ARHGAP10: variants seen among roughly 807,000 people sequenced by gnomAD.
ARHGAP10 encodes Rho GTPase activating protein 10, also known as rho GTPase-activating protein 10.
In ARHGAP10, 87 loss-of-function variants were observed where a neutral mutation model predicts 108.6. The observed-to-expected ratio is 0.80, with a 90% CI of 0.67 to 0.96. The LOEUF (loss-of-function observed/expected upper bound fraction) is 0.96. ARHGAP10 is among the 40% of genes least tolerant of loss of function. The pLI, the probability that ARHGAP10 is intolerant of heterozygous loss-of-function variation, is 0.00. For missense variants in ARHGAP10, 939 were observed against 954.5 expected (o/e 0.98, Z 0.21); for synonymous variants, 347 against 341.1 (o/e 1.02, Z -0.19).
chr4:147,895,369 A>G (rs998087513), intron 10 of ARHGAP10, among the ~76,000 whole-genome samples: 5 of 151,996 alleles, frequency 3.3e-5, no homozygotes, highest in African/African-American at 9.7e-5. Context: ...GTGATTTTAT[A>G]TGTGACAAAA....
intron 3 of ARHGAP10, among the ~76,000 whole-genome samples, chr4:147,843,462 T>C (rs17023988): frequency 0.018 from 2,674 of 152,296 alleles, 80 homozygotes; most frequent in African/African-American, 0.06. Context: ...TGGATATTGC[T>C]GAGCTCTCAT....
chr4:147,844,325 C>A (rs1436490), intron 3 of ARHGAP10, among the ~76,000 whole-genome samples: 1 of 152,020 alleles, frequency 6.6e-6, no homozygotes, highest in East Asian at 1.9e-4. Flanking sequence ...AGCATTTATC[C>A]TTTGTGTTAC....
At chr4:147,904,779 T>G (rs1250496936) in intron 10 of ARHGAP10, among the ~76,000 whole-genome samples, 1 of 152,232 alleles carries the variant, frequency 6.6e-6, no homozygotes, top group Non-Finnish European at 1.5e-5. Flanking sequence ...ATAGTATTTC[T>G]AGTTCTAGAT....
intron 13 of ARHGAP10, among the ~76,000 whole-genome samples, chr4:147,927,805 G>C (rs578065086): frequency 6.6e-6 from 1 of 152,214 alleles, no homozygotes; most frequent in African/African-American, 2.4e-5. Flanking sequence ...CAAGGTTCAT[G>C]CTGTGAGGAA....
At chr4:147,872,302 A>G (rs995254682) in intron 7 of ARHGAP10, among the ~76,000 whole-genome samples, 2 of 152,152 alleles carry the variant, frequency 1.3e-5, no homozygotes, top group Non-Finnish European at 2.9e-5. Context: ...GTAAGCAGAC[A>G]TGTTGAGAAT....
chr4:147,981,795 A>T (rs1328067690), intron 18 of ARHGAP10, among the ~76,000 whole-genome samples: 8 of 152,160 alleles, frequency 5.3e-5, no homozygotes, highest in Admixed American at 5.2e-4. Context: ...TTAACCTTTT[A>T]TCATTATGTA....
chr4:148,028,898 A>G (rs556942103), intron 19 of ARHGAP10, among the ~76,000 whole-genome samples: 1 of 152,336 alleles, frequency 6.6e-6, no homozygotes, highest in East Asian at 1.9e-4. Context: ...GCCACAGATT[A>G]GGCTCATAGG....
intron 10 of ARHGAP10, among the ~76,000 whole-genome samples, chr4:147,905,040 G>C (rs1386795978): frequency 4.6e-5 from 7 of 152,144 alleles, no homozygotes; most frequent in African/African-American, 1.4e-4. Flanking sequence ...CTTTTGAGAA[G>C]TGTCTGTTCA....
intron 1 of ARHGAP10, among the ~76,000 whole-genome samples, chr4:147,775,761 C>T (rs1411857491): frequency 6.6e-6 from 1 of 152,100 alleles, no homozygotes; most frequent in Non-Finnish European, 1.5e-5. Flanking sequence ...TCCTTTTGCA[C>T]AGAATTATGG....
intron 13 of ARHGAP10, among the ~76,000 whole-genome samples, chr4:147,929,680 A>G (rs1040978193): frequency 5.3e-5 from 8 of 152,300 alleles, no homozygotes; most frequent in African/African-American, 1.9e-4. Context: ...ATAATACATC[A>G]TTCTTAGCCA....
At chr4:147,851,404 G>T (rs962966968) in intron 4 of ARHGAP10, among the ~76,000 whole-genome samples, 19 of 152,104 alleles carry the variant, frequency 1.2e-4, no homozygotes, top group Admixed American at 7.9e-4. Flanking sequence ...TTGTAGAGAC[G>T]GTCTCTCTGT....
intron 22 of ARHGAP10, among the ~76,000 whole-genome samples, chr4:148,067,882 C>G (rs920575726): frequency 5.3e-5 from 8 of 152,122 alleles, no homozygotes; most frequent in African/African-American, 1.9e-4. Flanking sequence ...CTGGGTGGGC[C>G]TGGACTTAAG....
chr4:147,954,446 G>T (rs1738716333), intron 15 of ARHGAP10, among the ~76,000 whole-genome samples: 1 of 151,838 alleles, frequency 6.6e-6, no homozygotes, highest in South Asian at 2.1e-4. Context: ...AATATGAAAT[G>T]ACCTTCTTTA....
At chr4:147,736,120 C>CTGTGTGTGTGTGTGTGTGTGTGTG (rs10644088) in intron 1 of ARHGAP10, among the ~76,000 whole-genome samples, 1 of 144,634 alleles carries the variant, frequency 6.9e-6, no homozygotes, top group African/African-American at 2.5e-5. Flanking sequence ...AATTGTCTAG[C>CTGTGTGTGTGTGTGTGTGTGTGTG]TGTGTGTGTG....
At chr4:147,979,598 ATGCTGAATCTGTGGAT>A (rs1402629406) in intron 18 of ARHGAP10, among the ~76,000 whole-genome samples, 1 of 152,132 alleles carries the variant, frequency 6.6e-6, no homozygotes, top group Admixed American at 6.6e-5. Flanking sequence ...GATAGAAGTA[ATGCTGAATCTGTGGAT>A]TGCTTTGGGC....
At chr4:147,875,223 C>T in intron 8 of ARHGAP10, 73 bp downstream of exon 8, 5 of 1,432,542 alleles carry the variant, frequency 3.5e-6, no homozygotes, top group Non-Finnish European at 4.6e-6. Flanking sequence ...CTATTCTTGC[C>T]ATTACTGTGA....
At chr4:147,829,019 C>T (rs1280652143) in intron 3 of ARHGAP10, among the ~76,000 whole-genome samples, 2 of 151,146 alleles carry the variant, frequency 1.3e-5, no homozygotes, top group East Asian at 2.0e-4. Context: ...GCTGGGATTA[C>T]AGGCACCTGC....
At chr4:147,736,980 G>A (rs1391502400) in intron 1 of ARHGAP10, among the ~76,000 whole-genome samples, 2 of 152,164 alleles carry the variant, frequency 1.3e-5, no homozygotes, top group African/African-American at 4.8e-5. Context: ...ACTATCTTGG[G>A]CCTGAGGGTA....
chr4:147,835,570 C>T (rs1169297449), intron 3 of ARHGAP10, among the ~76,000 whole-genome samples: 2 of 152,152 alleles, frequency 1.3e-5, no homozygotes. Context: ...GACAGGGTTT[C>T]ACCATGTTGG....
Sources: gnomAD v4.1 joint callset for allele counts (sites outside exome capture counted in the v4.1 genomes callset) on GRCh38, gnomAD v4.1.1 for gene constraint, MANE v1.5 for transcripts, NCBI Gene and HGNC (gene_info 2026-07-23, HGNC 2026-07-21) for gene names.